The following CPEB2 variants were observed in gnomAD, a reference collection of about 807,000 sequenced individuals.
CPEB2 encodes cytoplasmic polyadenylation element binding protein 2, also known as cytoplasmic polyadenylation element-binding protein 2.
CPEB2 carries 56 observed loss-of-function variants against 93.6 expected under a neutral mutation model. The ratio of observed to expected loss-of-function variants is 0.60; its 90% CI spans 0.48 to 0.75. The LOEUF is 0.75. Ranked by LOEUF, CPEB2 falls within the 30% of genes least tolerant of loss-of-function variation. The probability of loss-of-function intolerance (pLI) is 0.00; values close to 1 mark genes in which losing one functional copy is unlikely to be tolerated. For missense variants in CPEB2, 1,579 were observed against 1,395.1 expected, an observed-to-expected ratio of 1.13 and a Z score of -2.10; for synonymous variants, 764 against 586.3, an observed-to-expected ratio of 1.30 and a Z score of -4.38.
chr4:15,058,575 G>A (rs1401035823), intron 9 of CPEB2, 36 bp downstream of exon 9: 22 of 1,213,392 alleles, frequency 1.8e-5, no homozygotes, highest in Non-Finnish European at 2.6e-5. Flanking sequence ...GGCTACAAAT[G>A]CAAATTTTTC....
At chr4:15,009,693 TGGATACATATATA>T (rs745827569) in intron 3 of CPEB2, among the ~76,000 whole-genome samples, 7 of 152,106 alleles carry the variant, frequency 4.6e-5, no homozygotes, top group South Asian at 2.1e-4. Flanking sequence ...AGCAATAGGA[TGGATACATATATA>T]GGATACATAT....
intron 3 of CPEB2, among the ~76,000 whole-genome samples, chr4:15,013,547 T>C (rs1314831560): frequency 6.6e-6 from 1 of 152,112 alleles, no homozygotes; most frequent in Non-Finnish European, 1.5e-5. Flanking sequence ...ACACAATTTT[T>C]CCTAATGTCT....
chr4:15,063,604 C>T (rs969143637), intron 11 of CPEB2: 2 of 152,006 alleles, frequency 1.3e-5, no homozygotes, highest in East Asian at 1.9e-4. Flanking sequence ...TGGTTTAGAC[C>T]GCTAACAGAG....
chr4:15,054,824 C>A (rs1224301769), intron 8 of CPEB2, among the ~76,000 whole-genome samples: 1 of 151,894 alleles, frequency 6.6e-6, no homozygotes, highest in African/African-American at 2.4e-5. Context: ...AGAAAGGAGT[C>A]TTGAACATTA....
rs1349820116 is a variant in CPEB2, at chr4:15,069,996, T to A, written c.*3616T>A. On this transcript the variant is annotated 3_prime_UTR_variant, in exon 12 of 12. Coordinates refer to ENST00000538197, the MANE Select transcript of CPEB2 (RefSeq NM_001177382.2). ...TTTCGTTAAATATTTTAGTTTATTTTATTGTTATCTTCCAGGTGTCTAAAT... is the reference window on the plus strand; with the variant it reads ...TTTCGTTAAATATTTTAGTTTATTTAATTGTTATCTTCCAGGTGTCTAAAT... 6.6e-6 allele frequency: 1 copy of A among 152,260 alleles called. No homozygotes were observed. Among genetic ancestry groups the A allele is most frequent in the African/African-American group, 2.4e-5 (1 of 41,422 alleles). 9.4% of individuals were successfully genotyped at this position (152,260 alleles called of 1,614,324 possible).
intron 4 of CPEB2, among the ~76,000 whole-genome samples, chr4:15,028,742 A>T (rs1169534686): frequency 6.6e-6 from 1 of 152,028 alleles, no homozygotes; most frequent in Non-Finnish European, 1.5e-5. Context: ...TCAAGCAGAA[A>T]AAAAAGGAAG....
At chr4:15,004,365 C>T (rs1449909889) in intron 1 of CPEB2, 30 bp downstream of exon 1, 1 of 1,400,028 alleles carries the variant, frequency 7.1e-7, no homozygotes, top group Non-Finnish European at 9.3e-7. Flanking sequence ...GGCCGCGCCG[C>T]GGGACCGGGA....
Position 15,058,479 on chromosome 4 carries a change from T to C in CPEB2, c.2520T>C (p.Cys840=). 1 of 1,613,278 alleles carries C rather than the reference T, an allele frequency of 6.2e-7. No homozygotes were observed. The highest frequency in any genetic ancestry group is 8.5e-7 in the Non-Finnish European group (1 of 1,179,372). The part of the protein sequence containing the change: ...ESSVQALIDA[C]IEEDGKLYLC... Reference sequence around the variant, plus strand: ...CAGTTCAGGCACTCATTGATGCTTGTATTGAAGAAGATGGAAAACTCTATC... The same window carrying C: ...CAGTTCAGGCACTCATTGATGCTTGCATTGAAGAAGATGGAAAACTCTATC... The change falls in exon 9 of 12, where the codon TGT becomes TGC. Residue 840 remains cysteine, a synonymous_variant. Coordinates refer to ENST00000538197, the MANE Select transcript of CPEB2 (RefSeq NM_001177382.2).
chr4:15,069,127 A>C lies in CPEB2; in HGVS notation c.*2747A>C, dbSNP rs2109126749. ...CCAAAAGTATGACTGTGGAGGAAAA[A>C]AAAATACTTTAAAAATCCACACTTT... On this transcript the variant is annotated 3_prime_UTR_variant, in exon 12 of 12. Transcript: ENST00000538197. 6.6e-6 allele frequency: 1 copy of C among 152,330 alleles called. No individual in the cohort carries two copies. The highest frequency in any genetic ancestry group is 3.4e-3 in the Middle Eastern group (1 of 294). 9.4% of individuals were successfully genotyped at this position (152,330 alleles called of 1,614,324 possible). A position where few individuals can be genotyped will look rare whatever the true frequency, so the allele number is the denominator to read the frequency against.
At chr4:15,051,760 G>A (rs924719509) in intron 6 of CPEB2, among the ~76,000 whole-genome samples, 3 of 152,118 alleles carry the variant, frequency 2.0e-5, no homozygotes, top group Non-Finnish European at 2.9e-5. Context: ...TTTTGTGGAG[G>A]GATTACCCAC....
intron 9 of CPEB2, among the ~76,000 whole-genome samples, chr4:15,058,977 C>G (rs1331412685): frequency 4.6e-5 from 7 of 152,166 alleles, no homozygotes; most frequent in African/African-American, 1.4e-4. Flanking sequence ...AAACTGTCTT[C>G]CTCAAAATTG....
chr4:15,063,000 G>C (rs1381021647), intron 11 of CPEB2, among the ~76,000 whole-genome samples: 1 of 151,906 alleles, frequency 6.6e-6, no homozygotes, highest in African/African-American at 2.4e-5. Flanking sequence ...CCTATACATA[G>C]CTAAATATAT....
At chr4:15,007,708 C>T (rs897516899) in intron 2 of CPEB2, 122 bp downstream of exon 2, 2 of 560,172 alleles carry the variant, frequency 3.6e-6, no homozygotes, top group African/African-American at 3.9e-5. Flanking sequence ...AATTTTTAAG[C>T]ATGTAATTTA....
At chr4:15,055,760 A>G (rs1263105371) in intron 8 of CPEB2, among the ~76,000 whole-genome samples, 3 of 152,010 alleles carry the variant, frequency 2.0e-5, no homozygotes. Context: ...TTCTTCTACT[A>G]TTGCTGCTTG....
At chr4:15,051,979 C>G (rs1728273525) in intron 6 of CPEB2, among the ~76,000 whole-genome samples, 1 of 152,186 alleles carries the variant, frequency 6.6e-6, no homozygotes, top group South Asian at 2.1e-4. Context: ...ACTTGTTCTC[C>G]TCATCCTTAC....
chr4:15,003,631 C>A lies in CPEB2; in HGVS notation c.958C>A (p.Pro320Thr), dbSNP rs1722321282. The change falls in exon 1 of 12, where the codon CCT becomes ACT. Residue 320 changes from proline to threonine, a missense_variant. By Grantham distance (38) the Pro-to-Thr change is conservative. This residue lies in a region of CPEB2 where 1,411 missense variants were observed against 1,056.0 expected (regional missense o/e 1.34). Transcript: ENST00000538197. ...APGSMESPNH[P>T]LLNSPSNLLP... ...GGGCTCCATGGAGTCCCCCAACCAC[C>A]CTCTGCTCAACAGTCCCAGTAACCT... 1 of 1,482,628 alleles carries A rather than the reference C, an allele frequency of 6.7e-7. No homozygotes were observed. Among genetic ancestry groups the A allele is most frequent in the East Asian group, 2.9e-5 (1 of 34,032 alleles). 91.8% of individuals were successfully genotyped at this position (1,482,628 alleles called of 1,614,324 possible).
chr4:15,005,430 T>G (rs1466056175), intron 1 of CPEB2, among the ~76,000 whole-genome samples: 1 of 152,262 alleles, frequency 6.6e-6, no homozygotes, highest in Non-Finnish European at 1.5e-5. Context: ...CCGGATCTTT[T>G]TTGATTCAAG....
rs149283919 is a variant in CPEB2, at chr4:15,046,518, G to A, written c.2201-5896G>A. On this transcript the variant is annotated intron_variant, in intron 6 of 11. Transcript: ENST00000538197. ...TGGGATTACAGGCATGAGCCATCGC[G>A]CCTGGCCAAGTGTTGGCTTTTTAAT... Among the ~76,000 whole-genome samples, 64 of 152,258 alleles carry A rather than the reference G, an allele frequency of 4.2e-4. 1 individual carries two copies. Among genetic ancestry groups the A allele is most frequent in the African/African-American group, 1.3e-3 (53 of 41,546 alleles).
intron 1 of CPEB2, chr4:15,006,601 TAGC>T (rs1722847624): frequency 6.6e-6 from 1 of 152,156 alleles, no homozygotes; most frequent in Non-Finnish European, 1.5e-5. Flanking sequence ...TATAGTTAAT[TAGC>T]AGTATACCTC....
Sources: gnomAD v4.1 joint callset for allele counts (sites outside exome capture counted in the v4.1 genomes callset) on GRCh38, gnomAD v4.1.1 for gene constraint, gnomAD v4.1.1 regional missense constraint, MANE v1.5 for transcripts, NCBI Gene and HGNC (gene_info 2026-07-23, HGNC 2026-07-21) for gene names.